ERMARD: variants seen among roughly 807,000 people sequenced by gnomAD.
ERMARD encodes endoplasmic reticulum membrane-associated RNA degradation protein.
Under a neutral mutation model 83.9 loss-of-function variants are expected in ERMARD, and 71 were observed. The observed-to-expected ratio is 0.85, with a 90% CI of 0.70 to 1.03. The LOEUF is 1.03. Ranked by LOEUF, ERMARD falls within the 50% of genes least tolerant of loss-of-function variation. ERMARD has a pLI of 0.00. For missense variants in ERMARD, 838 were observed against 810.9 expected (o/e 1.03, Z -0.41); for synonymous variants, 284 against 298.6 (o/e 0.95, Z 0.50).
chr6:169,768,281 C>A, intron 11 of ERMARD, 110 bp downstream of exon 11: 1 of 941,190 alleles, frequency 1.1e-6, no homozygotes. Flanking sequence ...AAAAATACTT[C>A]TGAAACATTG....
At chr6:169,766,497 G>A (rs945338794) in intron 9 of ERMARD, 141 bp from the exon 10 acceptor site, 1 of 590,054 alleles carries the variant, frequency 1.7e-6, no homozygotes, top group Non-Finnish European at 2.9e-6. Flanking sequence ...TCCTCTCATA[G>A]TGTTTCTAGA....
chr6:169,766,757 C>T, intron 10 of ERMARD, 90 bp downstream of exon 10: 14 of 1,332,654 alleles, frequency 1.1e-5, no homozygotes, highest in Non-Finnish European at 1.4e-5. Flanking sequence ...TAAAGATCAG[C>T]CATAAATCAT....
At chr6:169,760,571 C>A in intron 7 of ERMARD, 71 bp from the exon 8 acceptor site, 5 of 1,126,130 alleles carry the variant, frequency 4.4e-6, no homozygotes, top group Non-Finnish European at 6.5e-6. Context: ...TGGCATCACT[C>A]CCCCAGCATG....
chr6:169,768,000 G>T, intron 10 of ERMARD, 103 bp from the exon 11 acceptor site: 1 of 889,170 alleles, frequency 1.1e-6, no homozygotes, highest in Middle Eastern at 2.4e-4. Flanking sequence ...TTAGACCTTA[G>T]ATAACAAGTT....
At position 169,773,125 on chromosome 6, in the gene ERMARD, T is replaced by G. The variant is rs1585406513; in HGVS notation, c.1234-194T>G. ...ATCTATTATTGTTAATGGCCTCCAT[T>G]TAAAATCATTTTATTGGCTGTCATT... On this transcript the variant is annotated intron_variant, in intron 12 of 17. Coordinates refer to ENST00000366773, the MANE Select transcript of ERMARD (RefSeq NM_018341.3). The G allele has an allele frequency of 1.1e-5, 6 of 528,860 alleles. No individual in the cohort carries two copies. The East Asian group carries it at 1.8e-4, about 15-fold the overall frequency. The allele number at this position is 528,860 out of a possible 1,614,324, so 32.8% of individuals were successfully genotyped here.
Position 169,761,673 on chromosome 6 carries a change from G to GGTTTTGTTTTGTTTTGTTTT in ERMARD, c.858-750_858-731dup, listed in dbSNP as rs57170501. Among the ~76,000 whole-genome samples the GGTTTTGTTTTGTTTTGTTTT allele has an allele frequency of 4.0e-3, 608 of 151,300 alleles. 5 individuals are homozygous for GGTTTTGTTTTGTTTTGTTTT. The highest frequency in any genetic ancestry group is 0.013 in the African/African-American group (532 of 41,132). ...TGAAACTTTTGTTCTATGTGTAAGTGGTTTTGTTTTGTTTTGTTTTGTTTT... is the reference window on the plus strand; with the variant it reads ...TGAAACTTTTGTTCTATGTGTAAGTGGTTTTGTTTTGTTTTGTTTTGTTTTGTTTTGTTTTGTTTTGTTTT... On this transcript the variant is annotated intron_variant, in intron 8 of 17. Coordinates refer to ENST00000366773, the MANE Select transcript of ERMARD (RefSeq NM_018341.3).
In ERMARD at chr6:169,754,068, T is replaced by G. The variant is rs192530286; in HGVS notation, c.175+36T>G. 2.6e-3 allele frequency: 4,004 copies of G among 1,559,076 alleles called. 11 individuals are homozygous for G. Among genetic ancestry groups the G allele is most frequent in the Non-Finnish European group, 2.6e-3 (2,954 of 1,148,078 alleles). ...TCTTTGTACTCCAAACTTTCATAAC[T>G]GTCCCATTGAAAATGTCTTGACCTG... On this transcript the variant is annotated intron_variant, in intron 2 of 17. Coordinates refer to ENST00000366773, the MANE Select transcript of ERMARD (RefSeq NM_018341.3).
intron 12 of ERMARD, among the ~76,000 whole-genome samples, chr6:169,770,050 G>A (rs1021525744): frequency 3.3e-5 from 5 of 152,194 alleles, no homozygotes; most frequent in Non-Finnish European, 5.9e-5. Context: ...CTAAATCGAT[G>A]GGGTAGGATA....
intron 7 of ERMARD, 38 bp downstream of exon 7, chr6:169,760,012 C>T (rs757091015): frequency 2.9e-5 from 47 of 1,612,118 alleles, no homozygotes; most frequent in Admixed American, 5.0e-5. Context: ...TATAGCTTTG[C>T]GTAGATATTT....
At chr6:169,772,296 G>A (rs1027456253) in intron 12 of ERMARD, among the ~76,000 whole-genome samples, 4 of 152,222 alleles carry the variant, frequency 2.6e-5, no homozygotes, top group Admixed American at 2.6e-4. Flanking sequence ...CTGCGTGTGT[G>A]TCTGCCCTGC....
intron 5 of ERMARD, among the ~76,000 whole-genome samples, chr6:169,758,594 G>A (rs1177447832): frequency 1.3e-5 from 2 of 152,174 alleles, no homozygotes; most frequent in Non-Finnish European, 2.9e-5. Context: ...ATTTTATTTA[G>A]ATATTATGCA....
chr6:169,753,524 G>A (rs372947072), intron 1 of ERMARD, among the ~76,000 whole-genome samples: 1 of 151,512 alleles, frequency 6.6e-6, no homozygotes, highest in African/African-American at 2.4e-5. Context: ...TTCAGCTTCC[G>A]TGAACTTGTA....
chr6:169,756,896 G>A, intron 5 of ERMARD, 88 bp downstream of exon 5: 1 of 1,210,326 alleles, frequency 8.3e-7, no homozygotes, highest in Non-Finnish European at 1.2e-6. Flanking sequence ...AAGAGAAAGA[G>A]GTTTAATTGG....
intron 9 of ERMARD, 30 bp downstream of exon 9, chr6:169,762,561 CATT>C (rs1791692992): frequency 1.3e-6 from 2 of 1,565,786 alleles, no homozygotes; most frequent in Non-Finnish European, 1.8e-6. Context: ...TGATTGTGAT[CATT>C]GTTGCTGTAT....
chr6:169,780,834 C>T (rs1370677919), intron 17 of ERMARD, among the ~76,000 whole-genome samples: 2 of 152,072 alleles, frequency 1.3e-5, no homozygotes, highest in Admixed American at 6.5e-5. Context: ...TTACAGTGCT[C>T]TTGGTTGCAG....
At chr6:169,771,691 C>T (rs923434252) in intron 12 of ERMARD, 1 of 152,102 alleles carries the variant, frequency 6.6e-6, no homozygotes, top group African/African-American at 2.4e-5. Flanking sequence ...GGCGGGAAGC[C>T]TTAGATTCCT....
chr6:169,756,306 G>A (rs1255456203), intron 3 of ERMARD, 32 bp from the exon 4 acceptor site: 3 of 1,378,768 alleles, frequency 2.2e-6, no homozygotes, highest in Non-Finnish European at 3.1e-6. Flanking sequence ...GTTTCAGAGT[G>A]TACATCCTAA....
chr6:169,758,903 C>T, intron 5 of ERMARD, 65 bp from the exon 6 acceptor site: 1 of 1,407,302 alleles, frequency 7.1e-7, no homozygotes, highest in Non-Finnish European at 1.0e-6. Flanking sequence ...CAAATGTTAT[C>T]TTCATACTAT....
intron 12 of ERMARD, chr6:169,770,739 C>G (rs950071627): frequency 1.3e-5 from 2 of 152,182 alleles, no homozygotes; most frequent in Non-Finnish European, 2.9e-5. Context: ...CTTACCTCAG[C>G]CTCTTGAGTA....
Sources: gnomAD v4.1 joint callset for allele counts (sites outside exome capture counted in the v4.1 genomes callset) on GRCh38, gnomAD v4.1.1 for gene constraint, MANE v1.5 for transcripts, NCBI Gene and HGNC (gene_info 2026-07-23, HGNC 2026-07-21) for gene names.